Variants in FGF14 observed in about 807,000 individuals in gnomAD.
FGF14 encodes the protein fibroblast growth factor homologous factor 4.
FGF14 carries 5 observed loss-of-function variants against 25.5 expected under a neutral mutation model. That is an observed-to-expected ratio of 0.20 (90% confidence interval 0.10 to 0.41). The LOEUF (loss-of-function observed/expected upper bound fraction) is 0.41. FGF14 is among the 10% of genes least tolerant of loss of function. The pLI is 1.00. For synonymous variants in FGF14, 138 were observed against 118.3 expected, an observed-to-expected ratio of 1.17 and a Z score of -1.08; for missense variants, 222 against 320.1, an observed-to-expected ratio of 0.69 and a Z score of 2.34.
intron 1 of FGF14, among the ~76,000 whole-genome samples, chr13:102,039,976 TAAA>T (rs5806264): frequency 6.7e-6 from 1 of 149,582 alleles, no homozygotes; most frequent in African/African-American, 2.5e-5. Flanking sequence ...GTTTACATGT[TAAA>T]AAAAAAAATC....
intron 1 of FGF14, among the ~76,000 whole-genome samples, chr13:102,237,556 C>T (rs1473577015): frequency 2.2e-5 from 3 of 135,078 alleles, no homozygotes; most frequent in African/African-American, 5.7e-5. Flanking sequence ...CACCAGATTT[C>T]TAAACTGCTT....
chr13:101,853,769 G>T (rs1217535846), intron 3 of FGF14, among the ~76,000 whole-genome samples: 2 of 151,800 alleles, frequency 1.3e-5, no homozygotes, highest in South Asian at 2.1e-4. Context: ...TAAATATTTT[G>T]AATATTCCCA....
chr13:102,400,886 G>C lies in FGF14; in HGVS notation c.208+585C>G, dbSNP rs1167814500. Among the ~76,000 whole-genome samples the C allele has an allele frequency of 3.9e-5, 6 of 152,116 alleles. No individual in the cohort carries two copies. The highest frequency in any genetic ancestry group is 1.4e-4 in the African/African-American group (6 of 41,422). ...GTATTCCCGGTGGCAGGATGTGTCAGAGGCAGACAGGGGGAATGAGTTAAT... is the reference window on the plus strand; with the variant it reads ...GTATTCCCGGTGGCAGGATGTGTCACAGGCAGACAGGGGGAATGAGTTAAT... On this transcript the variant is annotated intron_variant, in intron 1 of 4. Coordinates refer to the FGF14 transcript ENST00000376131. The surrounding 1 kb of genome is among the most constrained non-coding windows in gnomAD (Gnocchi z 4.3).
chr13:101,837,445 G>C (rs1198073193), intron 3 of FGF14, among the ~76,000 whole-genome samples: 2 of 152,106 alleles, frequency 1.3e-5, no homozygotes, highest in Non-Finnish European at 2.9e-5. Context: ...TAAAATGAGA[G>C]AATGTGTGGA....
intron 3 of FGF14, among the ~76,000 whole-genome samples, chr13:101,777,384 C>T (rs2039192960): frequency 6.6e-6 from 1 of 152,046 alleles, no homozygotes. Context: ...ATTAAGATGC[C>T]AGCCTTTGTT....
At chr13:101,913,850 T>A (rs2033203623) in intron 1 of FGF14, among the ~76,000 whole-genome samples, 1 of 152,088 alleles carries the variant, frequency 6.6e-6, no homozygotes, top group South Asian at 2.1e-4. Flanking sequence ...CTCTTCATGC[T>A]TTATAGGACT....
intron 1 of FGF14, among the ~76,000 whole-genome samples, chr13:102,371,842 G>A (rs570476945): frequency 6.6e-6 from 1 of 152,184 alleles, no homozygotes; most frequent in East Asian, 1.9e-4. Flanking sequence ...TAAATAAAAT[G>A]TACATAACAA....
intron 1 of FGF14, among the ~76,000 whole-genome samples, chr13:102,275,813 TCCCAAGAGTAGCA>T (rs1027714358): frequency 2.6e-5 from 4 of 151,986 alleles, no homozygotes; most frequent in Admixed American, 1.3e-4. Flanking sequence ...TCTACAATCT[TCCCAAGAGTAGCA>T]AAAAGGAACA....
rs185113736 is a variant in FGF14 at position 101,763,719 on chromosome 13, G to T, written c.409-36909C>A. Among the ~76,000 whole-genome samples the T allele has an allele frequency of 1.4e-3, 215 of 152,214 alleles. 3 individuals are homozygous for T. Among genetic ancestry groups the T allele is most frequent in the Non-Finnish European group, 2.6e-4 (18 of 68,010 alleles). On this transcript the variant is annotated intron_variant, in intron 3 of 4. Coordinates refer to ENST00000376143, the MANE Select transcript of FGF14 (RefSeq NM_004115.4). ...TAGTGAAAATACAAAAACTAGCCAG[G>T]TGTGGTGATGCACACCCGTAATCCC...
At chr13:102,393,205 C>T (rs1189869130) in intron 1 of FGF14, among the ~76,000 whole-genome samples, 10 of 152,260 alleles carry the variant, frequency 6.6e-5, no homozygotes, top group Non-Finnish European at 5.9e-5. Context: ...CCCTATAGCA[C>T]CTTGGTCCAC....
intron 1 of FGF14, among the ~76,000 whole-genome samples, chr13:102,116,351 TA>T (rs1383960920): frequency 2.6e-5 from 4 of 152,086 alleles, no homozygotes; most frequent in African/African-American, 4.8e-5. Flanking sequence ...ATTTTACTCC[TA>T]GGGGTGTGTG....
intron 1 of FGF14, among the ~76,000 whole-genome samples, chr13:102,162,702 A>T (rs115092592): frequency 3.9e-5 from 6 of 152,212 alleles, no homozygotes; most frequent in Non-Finnish European, 8.8e-5. Context: ...TATAAATGGA[A>T]TAATAGAGAC....
At chr13:102,219,167 G>C (rs1204134171) in intron 1 of FGF14, among the ~76,000 whole-genome samples, 2 of 152,070 alleles carry the variant, frequency 1.3e-5, no homozygotes, top group Non-Finnish European at 2.9e-5. Context: ...AACTCAAATT[G>C]TCCTCTTTTT....
In FGF14 at chr13:102,169,762, G is replaced by C. The variant is rs1179750386; in HGVS notation, c.208+231709C>G. On this transcript the variant is annotated intron_variant, in intron 1 of 4. Transcript: ENST00000376131. ...TTCCAATTATTGAAAGTTCTTTCAGGAATTCAGTCTCCACGTGGAAGTTGC... is the reference window on the plus strand; with the variant it reads ...TTCCAATTATTGAAAGTTCTTTCAGCAATTCAGTCTCCACGTGGAAGTTGC... Among the ~76,000 whole-genome samples the C allele has an allele frequency of 2.6e-5, 4 of 152,118 alleles. No individual in the cohort carries two copies. In the East Asian group the frequency reaches 7.7e-4, roughly 29 times the overall value.
intron 3 of FGF14, among the ~76,000 whole-genome samples, chr13:101,848,560 T>C (rs138355760): frequency 2.6e-5 from 4 of 152,140 alleles, no homozygotes; most frequent in African/African-American, 7.2e-5. Flanking sequence ...TTAGAGATGA[T>C]TGGTAAATCC....
intron 1 of FGF14, among the ~76,000 whole-genome samples, chr13:102,060,397 G>A (rs2042629541): frequency 3.9e-5 from 6 of 152,018 alleles, no homozygotes; most frequent in Admixed American, 3.9e-4. Context: ...ATGGTGGCGG[G>A]CGCCTGTAGT....
At chr13:101,983,467 T>C (rs997497670) in intron 1 of FGF14, among the ~76,000 whole-genome samples, 10 of 152,138 alleles carry the variant, frequency 6.6e-5, no homozygotes, top group African/African-American at 1.7e-4. Flanking sequence ...ATAAGATCCT[T>C]GTTATGAATA....
intron 1 of FGF14, among the ~76,000 whole-genome samples, chr13:102,025,698 T>C (rs1406435464): frequency 1.3e-5 from 2 of 152,078 alleles, no homozygotes; most frequent in African/African-American, 2.4e-5. Flanking sequence ...AGTGAGCCAC[T>C]GCACCCAGAC....
chr13:101,800,257 AAAGT>A (rs1255389768), intron 3 of FGF14, among the ~76,000 whole-genome samples: 7 of 152,216 alleles, frequency 4.6e-5, no homozygotes, highest in Non-Finnish European at 1.0e-4. Context: ...CAAGTTACCT[AAAGT>A]AATTTATATT....
Sources: allele counts gnomAD v4.1 joint callset (sites outside exome capture counted in the v4.1 genomes callset), GRCh38; gene constraint gnomAD v4.1.1; non-coding constraint Gnocchi (gnomAD v3.1); transcripts MANE v1.5; gene names NCBI Gene and HGNC (gene_info 2026-07-23, HGNC 2026-07-21).